PLS1: variants seen among roughly 807,000 people sequenced by gnomAD.
PLS1 encodes the protein plastin 1, also known as plastin-1.
A neutral mutation model predicts 73.7 loss-of-function variants in PLS1; 32 were observed. The ratio of observed to expected loss-of-function variants is 0.43; its 90% CI spans 0.33 to 0.58. The LOEUF is 0.58. Among genes scored for constraint, PLS1 ranks in the 20% least tolerant of loss-of-function variants. The pLI, the probability that PLS1 is intolerant of heterozygous loss-of-function variation, is 0.04. For synonymous variants in PLS1, 217 were observed against 261.3 expected (o/e 0.83, Z 1.63); for missense variants, 633 against 740.5 (o/e 0.85, Z 1.68).
At chr3:142,618,135 T>C (rs1247645255) in intron 1 of PLS1, among the ~76,000 whole-genome samples, 2 of 152,202 alleles carry the variant, frequency 1.3e-5, no homozygotes, top group African/African-American at 4.8e-5. Context: ...TTGTAGTGTT[T>C]TTCTTTTTAA....
At chr3:142,652,967 T>C (rs2037132248) in intron 1 of PLS1, among the ~76,000 whole-genome samples, 2 of 152,186 alleles carry the variant, frequency 1.3e-5, no homozygotes, top group Non-Finnish European at 2.9e-5. Flanking sequence ...GATTTCAGTA[T>C]GTTGTCTTTC....
chr3:142,658,249 G>A (rs2037284292), intron 1 of PLS1, among the ~76,000 whole-genome samples: 1 of 152,084 alleles, frequency 6.6e-6, no homozygotes, highest in African/African-American at 2.4e-5. Flanking sequence ...GAGGCAGGCA[G>A]ATCACTTGAG....
chr3:142,623,516 G>A (rs950881551), intron 1 of PLS1: 1 of 152,154 alleles, frequency 6.6e-6, no homozygotes, highest in Non-Finnish European at 1.5e-5. Context: ...CTTCTGAATT[G>A]TTTTTCTGGA....
At chr3:142,622,969 A>T (rs1347796368) in intron 1 of PLS1, among the ~76,000 whole-genome samples, 1 of 151,962 alleles carries the variant, frequency 6.6e-6, no homozygotes, top group African/African-American at 2.4e-5. Context: ...TTTTTAAGAG[A>T]TAGGGTCTTG....
chr3:142,611,454 T>C (rs571534016), intron 1 of PLS1, among the ~76,000 whole-genome samples: 1 of 152,266 alleles, frequency 6.6e-6, no homozygotes, highest in Admixed American at 6.5e-5. Flanking sequence ...AGATCTTGTC[T>C]CTACAAAAAA....
At chr3:142,620,527 A>AT (rs1007120482) in intron 1 of PLS1, among the ~76,000 whole-genome samples, 9 of 152,198 alleles carry the variant, frequency 5.9e-5, no homozygotes, top group African/African-American at 1.2e-4. Context: ...GTTTATAGAG[A>AT]TTTTTTTAAA....
At chr3:142,639,148 C>T (rs2036775481) in intron 1 of PLS1, among the ~76,000 whole-genome samples, 1 of 152,200 alleles carries the variant, frequency 6.6e-6, no homozygotes, top group African/African-American at 2.4e-5. Flanking sequence ...AGGCTGAGCT[C>T]AGTTGTCATC....
At chr3:142,648,559 T>A (rs1251935106) in intron 1 of PLS1, among the ~76,000 whole-genome samples, 2 of 152,210 alleles carry the variant, frequency 1.3e-5, no homozygotes, top group Non-Finnish European at 2.9e-5. Flanking sequence ...AGCAATATAG[T>A]GACATTATTA....
chr3:142,711,367 G>A, intron 14 of PLS1, 134 bp from the exon 15 acceptor site: 2 of 556,450 alleles, frequency 3.6e-6, no homozygotes, highest in East Asian at 5.6e-5. Flanking sequence ...TGTGCTGGTT[G>A]CAGAAAAGCT....
At chr3:142,616,194 A>C (rs1238436434) in intron 1 of PLS1, among the ~76,000 whole-genome samples, 1 of 152,208 alleles carries the variant, frequency 6.6e-6, no homozygotes, top group African/African-American at 2.4e-5. Flanking sequence ...GGTTTCCCTC[A>C]ACAGATAATC....
chr3:142,634,762 A>G (rs994076026), intron 1 of PLS1, among the ~76,000 whole-genome samples: 2 of 152,188 alleles, frequency 1.3e-5, no homozygotes, highest in African/African-American at 4.8e-5. Flanking sequence ...AAGGAAATAC[A>G]GGTCTGTACA....
chr3:142,664,226 T>C lies in PLS1; in HGVS notation c.-12T>C. The C allele has an allele frequency of 2.0e-6, 3 of 1,513,676 alleles. No individual in the cohort carries two copies. Among genetic ancestry groups the C allele is most frequent in the Non-Finnish European group, 2.7e-6 (3 of 1,102,752 alleles). The allele number at this position is 1,513,676 out of a possible 1,614,324, so 93.8% of individuals were successfully genotyped here. On this transcript the variant is annotated 5_prime_UTR_variant, in exon 2 of 16. Transcript: ENST00000457734. Reference sequence around the variant, plus strand: ...GATATAAAGACCTGAAGATAGTCTTTTCTGTCCAAAGATGGAAAACAGTAC... The same window carrying C: ...GATATAAAGACCTGAAGATAGTCTTCTCTGTCCAAAGATGGAAAACAGTAC...
intron 1 of PLS1, chr3:142,619,740 G>T (rs1050260664): frequency 2.0e-5 from 3 of 152,124 alleles, no homozygotes; most frequent in African/African-American, 4.8e-5. Context: ...TATGTATTGT[G>T]TCCTTAGAAT....
At chr3:142,650,435 G>T (rs2037062293) in intron 1 of PLS1, among the ~76,000 whole-genome samples, 1 of 151,934 alleles carries the variant, frequency 6.6e-6, no homozygotes, top group Non-Finnish European at 1.5e-5. Context: ...CTCTTTGTTG[G>T]AGGCATGATG....
intron 1 of PLS1, among the ~76,000 whole-genome samples, chr3:142,614,844 T>C (rs1325191551): frequency 1.3e-5 from 2 of 152,104 alleles, no homozygotes; most frequent in Non-Finnish European, 2.9e-5. Context: ...TTAAGGAAAA[T>C]CTTTCGCTCT....
intron 14 of PLS1, among the ~76,000 whole-genome samples, chr3:142,708,157 C>CA (rs1473633591): frequency 1.3e-5 from 2 of 152,260 alleles, no homozygotes; most frequent in East Asian, 3.9e-4. Context: ...ATATAAAGGG[C>CA]ATCATATGTG....
At chr3:142,650,421 TTC>T in intron 1 of PLS1, among the ~76,000 whole-genome samples, 1 of 152,084 alleles carries the variant, frequency 6.6e-6, no homozygotes, top group East Asian at 1.9e-4. Context: ...TAGCCTTGTG[TTC>T]TCTCTTTGTT....
At position 142,711,511 on chromosome 3, in the gene PLS1, TA is replaced by T; in HGVS notation, c.1642del (p.Ser548AlafsTer7). On this transcript the variant is annotated frameshift_variant, in exon 15 of 16. Coordinates refer to ENST00000457734, the MANE Select transcript of PLS1 (RefSeq NM_001145319.2). LOFTEE classifies it high-confidence loss of function. ...TGCTTTATTTTCTAGGATAAATCTA[TA>T]AGCACAAGTTTACCTGTCCTAGATT... ...TSISSFKDKS[I>X]STSLPVLDLI... The T allele has an allele frequency of 6.3e-7, 1 of 1,584,730 alleles. No individual in the cohort carries two copies. The highest frequency in any genetic ancestry group is 8.7e-7 in the Non-Finnish European group (1 of 1,155,880).
At chr3:142,691,966 A>G (rs1249324920) in intron 10 of PLS1, among the ~76,000 whole-genome samples, 1 of 152,160 alleles carries the variant, frequency 6.6e-6, no homozygotes, top group African/African-American at 2.4e-5. Context: ...ATAAACTATC[A>G]GACTTTGTTC....
Sources: allele counts gnomAD v4.1 joint callset (sites outside exome capture counted in the v4.1 genomes callset), GRCh38; gene constraint gnomAD v4.1.1; transcripts MANE v1.5; gene names NCBI Gene and HGNC (gene_info 2026-07-23, HGNC 2026-07-21).